The following YIPF6 variants were observed in gnomAD, a reference collection of about 807,000 sequenced individuals.
YIPF6 encodes protein YIPF6.
In YIPF6, 3 loss-of-function variants were observed where a neutral mutation model predicts 16.8. That is an observed-to-expected ratio of 0.18 (90% CI 0.08 to 0.46). The LOEUF (loss-of-function observed/expected upper bound fraction) is 0.46, where lower values mean the gene tolerates loss of function less well. Ranked by LOEUF, YIPF6 falls within the 20% of genes least tolerant of loss-of-function variation. YIPF6 has a pLI of 0.98. For missense variants in YIPF6, 145 were observed against 184.9 expected, an observed-to-expected ratio of 0.78 and a Z score of 1.25; for synonymous variants, 67 against 61.9, an observed-to-expected ratio of 1.08 and a Z score of -0.38.
intron 1 of YIPF6, among the ~76,000 whole-genome samples, chrX:68,507,826 A>G (rs1602453038): frequency 1.9e-5 from 2 of 107,230 alleles, no homozygotes; most frequent in African/African-American, 6.8e-5. Flanking sequence ...CTGGTCTTGA[A>G]CTCCTGATCT....
chrX:68,518,145 G>T (rs1019291621), intron 3 of YIPF6, among the ~76,000 whole-genome samples: 2 of 108,435 alleles, frequency 1.8e-5, no homozygotes, highest in Non-Finnish European at 3.8e-5. Context: ...GATAGCGGGT[G>T]CCTGTAATCC....
intron 1 of YIPF6, among the ~76,000 whole-genome samples, chrX:68,506,434 T>C (rs1385878171): frequency 9.0e-6 from 1 of 110,643 alleles, no homozygotes; most frequent in Non-Finnish European, 1.9e-5. Flanking sequence ...GCACGGTGGC[T>C]CATACCTGTA....
chrX:68,524,371 G>T (rs1274720000), intron 6 of YIPF6, among the ~76,000 whole-genome samples: 1 of 110,154 alleles, frequency 9.1e-6, no homozygotes, highest in Non-Finnish European at 1.9e-5. Context: ...GTTTCACCAT[G>T]TTGGCCAGGC....
At chrX:68,499,701 G>T (rs896644642) in intron 1 of YIPF6, among the ~76,000 whole-genome samples, 12 of 111,789 alleles carry the variant, frequency 1.1e-4, no homozygotes. Flanking sequence ...GCAGTGGCGC[G>T]GTCTCTGCTC....
intron 2 of YIPF6, among the ~76,000 whole-genome samples, chrX:68,512,232 G>T (rs2079083834): frequency 9.0e-6 from 1 of 111,352 alleles, no homozygotes; most frequent in Non-Finnish European, 1.9e-5. Flanking sequence ...GGCCAAGGCA[G>T]GCGGATCACC....
At chrX:68,522,490 G>A (rs1246369294) in intron 5 of YIPF6, among the ~76,000 whole-genome samples, 1 of 109,577 alleles carries the variant, frequency 9.1e-6, no homozygotes, top group African/African-American at 3.3e-5. Context: ...TAGTAGAGAC[G>A]GGGTTTCACC....
intron 3 of YIPF6, among the ~76,000 whole-genome samples, chrX:68,517,834 C>T (rs763974518): frequency 1.0e-4 from 11 of 108,924 alleles, no homozygotes; most frequent in African/African-American, 2.3e-4. Flanking sequence ...GGTGTGGTGG[C>T]GTGTGCCTGT....
At chrX:68,519,751 T>C (rs2067897721) in intron 4 of YIPF6, among the ~76,000 whole-genome samples, 1 of 111,423 alleles carries the variant, frequency 9.0e-6, no homozygotes, top group African/African-American at 3.3e-5. Flanking sequence ...AGTTTCTTGC[T>C]GACCTCTCTA....
chrX:68,527,820 A>C (rs768673490), intron 6 of YIPF6, among the ~76,000 whole-genome samples: 2 of 111,952 alleles, frequency 1.8e-5, no homozygotes, highest in South Asian at 7.4e-4. Context: ...ATTTGATTGC[A>C]CTGTGATCTG....
chrX:68,528,156 C>T (rs910915406), intron 6 of YIPF6, among the ~76,000 whole-genome samples: 1 of 111,326 alleles, frequency 9.0e-6, no homozygotes, highest in Non-Finnish European at 1.9e-5. Flanking sequence ...TTTTATGAAC[C>T]TGGGTGCTCC....
chrX:68,528,006 T>G (rs1362115165), intron 6 of YIPF6, among the ~76,000 whole-genome samples: 1 of 111,668 alleles, frequency 9.0e-6, no homozygotes, highest in African/African-American at 3.3e-5. Flanking sequence ...GTCCATTTGG[T>G]CCAGAGCTGA....
At chrX:68,527,260 T>A (rs1243509060) in intron 6 of YIPF6, among the ~76,000 whole-genome samples, 1 of 112,296 alleles carries the variant, frequency 8.9e-6, no homozygotes, top group Non-Finnish European at 1.9e-5. Flanking sequence ...TTTATTTGCA[T>A]AGAGGTATTT....
At chrX:68,522,096 G>T (rs1375589273) in intron 5 of YIPF6, among the ~76,000 whole-genome samples, 1 of 110,095 alleles carries the variant, frequency 9.1e-6, no homozygotes, top group Admixed American at 9.8e-5. Context: ...GTACGTTTTG[G>T]GGGGCAAGTG....
chrX:68,521,492 G>C lies in YIPF6; in HGVS notation c.429G>C (p.Gly143=), dbSNP rs112977183. The C allele has an allele frequency of 4.5e-4, 540 of 1,204,490 alleles. 5 individuals carry two copies. In the African/African-American group the frequency reaches 8.6e-3, roughly 19 times the overall value. Reference sequence around the variant, plus strand: ...CCCTCAACTCAAAACTTCTTGGAGGGAACATGTGAGTATTATTAAAATGCA... The same window carrying C: ...CCCTCAACTCAAAACTTCTTGGAGGCAACATGTGAGTATTATTAAAATGCA... ...TITLNSKLLG[G]NISFFQSLCV... Residue 143 remains glycine, a synonymous_variant, in exon 5 of 7, where the codon GGG becomes GGC. Coordinates refer to ENST00000462683, the MANE Select transcript of YIPF6 (RefSeq NM_173834.4).
rs1602462473 is a variant in YIPF6, at chrX:68,519,012, C to T, written c.308+200C>T. 3.6e-5 allele frequency among the ~76,000 whole-genome samples: 4 copies of T among 111,872 alleles called. No individual in the cohort carries two copies. The South Asian group carries it at 1.5e-3, about 42-fold the overall frequency. On this transcript the variant is annotated intron_variant, in intron 4 of 6. Transcript: ENST00000462683. ...AATATGATGAAATTAGGCTCACCTTCCTTAACCAATGACATTTTAGTCTGT... is the reference window on the plus strand; with the variant it reads ...AATATGATGAAATTAGGCTCACCTTTCTTAACCAATGACATTTTAGTCTGT...
chrX:68,537,014 A>G lies in YIPF6; in HGVS notation c.*5015A>G. ...AATGCCTTTCTATTTGGGTTAAACT[A>G]TGTGGGAGGAAAAAGTAACAGAGTA... On this transcript the variant is annotated 3_prime_UTR_variant, in exon 7 of 7. Transcript: ENST00000462683. 8.9e-6 allele frequency: 1 copy of G among 111,782 alleles called. No individual in the cohort carries two copies. Among genetic ancestry groups the G allele is most frequent in the East Asian group, 2.8e-4 (1 of 3,545 alleles). 9.2% of individuals were successfully genotyped at this position (111,782 alleles called of 1,213,427 possible).
rs1009610843 is a variant in YIPF6, at chrX:68,508,883, T to C, written c.58-2966T>C. 2.7e-5 allele frequency among the ~76,000 whole-genome samples: 3 copies of C among 111,730 alleles called. No individual in the cohort carries two copies. The Admixed American group carries it at 2.9e-4, about 11-fold the overall frequency. On this transcript the variant is annotated intron_variant, in intron 1 of 6. Transcript: ENST00000462683. The stretch of plus-strand genomic sequence containing the variant: ...TGGGGGAGATAATTTGTTATTGATA[T>C]TGAACGCTGGACATCATGTACACAC...
At chrX:68,531,392 T>C (rs1251072273) in intron 6 of YIPF6, among the ~76,000 whole-genome samples, 3 of 111,921 alleles carry the variant, frequency 2.7e-5, no homozygotes, top group African/African-American at 9.7e-5. Flanking sequence ...CCCAAAGTGC[T>C]GGAATTACAG....
intron 1 of YIPF6, among the ~76,000 whole-genome samples, chrX:68,499,626 C>A (rs772153348): frequency 1.8e-5 from 2 of 111,393 alleles, no homozygotes; most frequent in Non-Finnish European, 3.8e-5. Flanking sequence ...TACTTGTTCT[C>A]CTTTCTTATT....
Sources: allele counts gnomAD v4.1 joint callset (sites outside exome capture counted in the v4.1 genomes callset), GRCh38; gene constraint gnomAD v4.1.1; transcripts MANE v1.5; gene names NCBI Gene and HGNC (gene_info 2026-07-23, HGNC 2026-07-21).